TMEM132B: variants seen among roughly 807,000 people sequenced by gnomAD.
The protein encoded by TMEM132B is transmembrane protein 132B.
A neutral mutation model predicts 90.8 loss-of-function variants in TMEM132B; 18 were observed. That is an observed-to-expected ratio of 0.20 (90% CI 0.14 to 0.29). The LOEUF (loss-of-function observed/expected upper bound fraction) is 0.29. Ranked by LOEUF, TMEM132B falls within the 10% of genes least tolerant of loss-of-function variation. TMEM132B has a pLI of 1.00. For synonymous variants in TMEM132B, 504 were observed against 523.3 expected (o/e 0.96, Z 0.50); for missense variants, 1,096 against 1,326.8 (o/e 0.83, Z 2.70).
chr12:125,191,054 GTGGGGAAGGGGTGGTGATGGTGA>G (rs1424645106), intron 1 of TMEM132B, among the ~76,000 whole-genome samples: 10 of 48,662 alleles, frequency 2.1e-4, no homozygotes, highest in African/African-American at 5.4e-4. Flanking sequence ...GGTGGTGGTG[GTGGGGAAGGGGTGGTGATGGTGA>G]TGGGGAAGGG....
chr12:125,191,888 G>A (rs1010870350), intron 1 of TMEM132B, among the ~76,000 whole-genome samples: 2 of 152,138 alleles, frequency 1.3e-5, no homozygotes, highest in African/African-American at 4.8e-5. Flanking sequence ...AATTCTCCCT[G>A]GCTGTTCTCA....
At chr12:125,320,691 T>C (rs1345385322) in intron 1 of TMEM132B, among the ~76,000 whole-genome samples, 1 of 152,070 alleles carries the variant, frequency 6.6e-6, no homozygotes, top group African/African-American at 2.4e-5. Flanking sequence ...TGGAAACAAA[T>C]GCATTTAAAT....
chr12:125,249,476 T>G (rs1194770335), intron 1 of TMEM132B, among the ~76,000 whole-genome samples: 1 of 152,188 alleles, frequency 6.6e-6, no homozygotes, highest in South Asian at 2.1e-4. Flanking sequence ...TAGTAGTGAT[T>G]AGTTTGCGGT....
chr12:125,488,868 T>C (rs986567825), intron 3 of TMEM132B, among the ~76,000 whole-genome samples: 7 of 152,160 alleles, frequency 4.6e-5, no homozygotes, highest in Non-Finnish European at 1.0e-4. Context: ...TTTGAGGTGC[T>C]TCATGACAAA....
At chr12:125,395,191 A>ACACACAAC (rs1480771723) in intron 2 of TMEM132B, among the ~76,000 whole-genome samples, 136 of 152,324 alleles carry the variant, frequency 8.9e-4, no homozygotes, top group African/African-American at 3.2e-3. Context: ...ATCAGGGTGA[A>ACACACAAC]CCGTTGAGTG....
chr12:125,402,137 T>C (rs1879337666), intron 2 of TMEM132B, among the ~76,000 whole-genome samples: 1 of 152,328 alleles, frequency 6.6e-6, no homozygotes, highest in South Asian at 2.1e-4. Context: ...GAAGCACCCA[T>C]TGTCCTCACT....
chr12:125,342,195 T>C (rs2136222182), intron 1 of TMEM132B, among the ~76,000 whole-genome samples: 1 of 152,312 alleles, frequency 6.6e-6, no homozygotes, highest in South Asian at 2.1e-4. Flanking sequence ...TCTTCATGTA[T>C]CCTTCTGGAC....
At chr12:125,470,764 T>G (rs1881694170) in intron 3 of TMEM132B, among the ~76,000 whole-genome samples, 1 of 152,208 alleles carries the variant, frequency 6.6e-6, no homozygotes, top group East Asian at 1.9e-4. Flanking sequence ...ACTCCTGGGC[T>G]CACTGATATG....
intron 2 of TMEM132B, among the ~76,000 whole-genome samples, chr12:125,398,633 C>T (rs1879228861): frequency 6.6e-6 from 1 of 152,146 alleles, no homozygotes. Flanking sequence ...TCAGTGTGGT[C>T]AAGTTTCAGT....
intron 1 of TMEM132B, among the ~76,000 whole-genome samples, chr12:125,305,413 T>C (rs1301989170): frequency 2.0e-5 from 3 of 151,668 alleles, no homozygotes; most frequent in Non-Finnish European, 2.9e-5. Flanking sequence ...TAGTGTGAGA[T>C]GGCAGCCACA....
chr12:125,283,255 TC>T (rs1288292910), intron 1 of TMEM132B, among the ~76,000 whole-genome samples: 1 of 152,192 alleles, frequency 6.6e-6, no homozygotes, highest in Non-Finnish European at 1.5e-5. Flanking sequence ...TAGGTTTTCT[TC>T]AAGTAGGTAC....
chr12:125,463,560 GGA>G (rs1881492445), intron 3 of TMEM132B, among the ~76,000 whole-genome samples: 1 of 152,142 alleles, frequency 6.6e-6, no homozygotes, highest in Admixed American at 6.5e-5. Flanking sequence ...CCGTGCACTT[GGA>G]GAGAGATTAA....
chr12:125,235,910 C>A (rs1237560659), intron 1 of TMEM132B, among the ~76,000 whole-genome samples: 1 of 143,052 alleles, frequency 7.0e-6, no homozygotes, highest in Non-Finnish European at 1.5e-5. Flanking sequence ...TTAAAGCGAT[C>A]CTCCTGCCTC....
At chr12:125,593,688 A>G (rs566320381) in intron 5 of TMEM132B, among the ~76,000 whole-genome samples, 49 of 152,306 alleles carry the variant, frequency 3.2e-4, no homozygotes, top group Non-Finnish European at 5.4e-4. Context: ...CTTGGTTCAC[A>G]ATTTAGACTC....
intron 5 of TMEM132B, among the ~76,000 whole-genome samples, chr12:125,640,226 T>C (rs942374599): frequency 6.6e-6 from 1 of 152,218 alleles, no homozygotes; most frequent in Non-Finnish European, 1.5e-5. Context: ...AACCAATCAT[T>C]GGCAAAGCAG....
At chr12:125,514,938 G>C (rs899242482) in intron 3 of TMEM132B, among the ~76,000 whole-genome samples, 2 of 152,146 alleles carry the variant, frequency 1.3e-5, no homozygotes, top group African/African-American at 4.8e-5. Flanking sequence ...TGCACTAAAA[G>C]GTGCCTCAGC....
intron 1 of TMEM132B, among the ~76,000 whole-genome samples, chr12:125,320,964 G>A (rs764425400): frequency 6.6e-6 from 1 of 152,180 alleles, no homozygotes; most frequent in Non-Finnish European, 1.5e-5. Context: ...AACTTTATTT[G>A]TTCCACTTAA....
intron 5 of TMEM132B, chr12:125,587,947 G>A (rs1800406660): frequency 6.6e-6 from 1 of 152,198 alleles, no homozygotes; most frequent in African/African-American, 2.4e-5. Context: ...GCCTATTGAT[G>A]AGAAGAAAAG....
In TMEM132B at chr12:125,661,140, T is replaced by C. The variant is rs192807444; in HGVS notation, c.*6430T>C. On this transcript the variant is annotated 3_prime_UTR_variant, in exon 9 of 9. Coordinates refer to ENST00000682704, the MANE Select transcript of TMEM132B (RefSeq NM_001366854.1). ...TCTGCCACGTTATTGTTATCTCCTT[T>C]GTAAGAATTTGACTTTCTGAATGAA... 12 of 152,348 alleles carry C rather than the reference T, an allele frequency of 7.9e-5. No individual in the cohort carries two copies. Among genetic ancestry groups the C allele is most frequent in the African/African-American group, 2.2e-4 (9 of 41,582 alleles). 9.4% of individuals were successfully genotyped at this position (152,348 alleles called of 1,614,324 possible).
Sources: gnomAD v4.1 joint callset for allele counts (sites outside exome capture counted in the v4.1 genomes callset) on GRCh38, gnomAD v4.1.1 for gene constraint, MANE v1.5 for transcripts, NCBI Gene and HGNC (gene_info 2026-07-23, HGNC 2026-07-21) for gene names.